Variants in TEX11 observed in about 807,000 individuals in gnomAD.
TEX11 encodes testis expressed 11.
In TEX11, 7 loss-of-function variants were observed where a neutral mutation model predicts 84.4. The observed-to-expected ratio is 0.08, with a 90% CI of 0.05 to 0.16. The LOEUF is 0.16. Among genes scored for constraint, TEX11 ranks in the 10% least tolerant of loss-of-function variants. TEX11 has a pLI of 1.00. For synonymous variants in TEX11, 264 were observed against 222.8 expected, an observed-to-expected ratio of 1.18 and a Z score of -1.64; for missense variants, 551 against 660.5, an observed-to-expected ratio of 0.83 and a Z score of 1.82.
At chrX:70,576,779 A>G (rs914297085) in intron 25 of TEX11, among the ~76,000 whole-genome samples, 1 of 112,731 alleles carries the variant, frequency 8.9e-6, no homozygotes, top group African/African-American at 3.2e-5. Context: ...ACATACACAC[A>G]TATGTTTTAA....
chrX:70,835,977 A>G (rs1426627911), intron 7 of TEX11, among the ~76,000 whole-genome samples: 1 of 109,902 alleles, frequency 9.1e-6, no homozygotes, highest in Admixed American at 9.8e-5. Context: ...CTAGCTAGGC[A>G]TGGTGGTGCG....
At chrX:70,679,057 G>A (rs1471426522) in intron 14 of TEX11, among the ~76,000 whole-genome samples, 168 bp from the exon 15 acceptor site, 1 of 112,546 alleles carries the variant, frequency 8.9e-6, no homozygotes, top group East Asian at 2.8e-4. Context: ...TCCTGCCTCA[G>A]CCTGCCGACT....
In TEX11 at chrX:70,670,507, T is replaced by C; in HGVS notation, c.1250A>G (p.Asn417Ser). Reference sequence around the variant, plus strand: ...GTACCATTGTAGGGCATCAGTGTAATTTTGTACCTAAAGTTTAAAAAGAAA... The same window carrying C: ...GTACCATTGTAGGGCATCAGTGTAACTTTGTACCTAAAGTTTAAAAAGAAA... ...RQAASSFEVQ[N>S]YTDALQWYYY... is the part of the protein sequence containing the mutation. Residue 417 changes from asparagine (N) to serine (S), a missense_variant, in exon 16 of 30, where the codon AAT becomes AGT. By Grantham distance (46) the Asn-to-Ser change is conservative (BLOSUM62 1). Transcript: ENST00000374333. 1 of 1,193,767 alleles carries C rather than the reference T, an allele frequency of 8.4e-7. No homozygotes were observed. The highest frequency in any genetic ancestry group is 1.1e-6 in the Non-Finnish European group (1 of 890,012).
At chrX:70,564,772 T>G (rs1243729329) in intron 25 of TEX11, among the ~76,000 whole-genome samples, 25 of 109,302 alleles carry the variant, frequency 2.3e-4, no homozygotes, top group African/African-American at 6.6e-4. Flanking sequence ...CCATGGTGTA[T>G]ATGTGCCACA....
intron 13 of TEX11, among the ~76,000 whole-genome samples, chrX:70,701,345 G>T (rs1489126550): frequency 9.0e-6 from 1 of 111,474 alleles, no homozygotes; most frequent in Non-Finnish European, 1.9e-5. Context: ...AAAATCCCAG[G>T]GCCCTTAAGA....
At chrX:70,618,646 T>C (rs73542437) in intron 20 of TEX11, among the ~76,000 whole-genome samples, 9,693 of 110,631 alleles carry the variant, frequency 0.088, 929 homozygotes, top group African/African-American at 0.28. Flanking sequence ...AGGGTATGAG[T>C]TTCGACAGGA....
At chrX:70,584,676 A>C (rs1275298321) in intron 25 of TEX11, among the ~76,000 whole-genome samples, 1 of 112,238 alleles carries the variant, frequency 8.9e-6, no homozygotes, top group Admixed American at 9.5e-5. Flanking sequence ...CAAATCTTAC[A>C]GCATATTAAA....
chrX:70,839,077 A>C (rs2091424653), intron 7 of TEX11, among the ~76,000 whole-genome samples: 1 of 112,598 alleles, frequency 8.9e-6, no homozygotes, highest in South Asian at 3.7e-4. Flanking sequence ...GGGCACAGAC[A>C]AACAAAAAGA....
intron 13 of TEX11, among the ~76,000 whole-genome samples, chrX:70,708,791 G>A (rs1327149302): frequency 5.4e-5 from 6 of 110,370 alleles, no homozygotes; most frequent in Non-Finnish European, 1.1e-4. Flanking sequence ...CAACGGACTA[G>A]TAGAGGGGGG....
At position 70,894,163 on chromosome X, in the gene TEX11, A is replaced by G. The variant is rs138399063; in HGVS notation, c.37+13590T>C. On this transcript the variant is annotated intron_variant, in intron 2 of 29. Coordinates refer to ENST00000374333, the MANE Select transcript of TEX11 (RefSeq NM_031276.3). ...AGAGGTACAAAGAGGAGCTGGTACC[A>G]TTCCTTCCGAAACTATTCCAAACAA... Among the ~76,000 whole-genome samples the G allele has an allele frequency of 9.0e-5, 10 of 111,187 alleles. No individual in the cohort carries two copies. The East Asian group carries it at 2.8e-3, about 31-fold the overall frequency.
At chrX:70,585,639 C>T (rs1286989359) in intron 25 of TEX11, among the ~76,000 whole-genome samples, 1 of 112,204 alleles carries the variant, frequency 8.9e-6, no homozygotes, top group Non-Finnish European at 1.9e-5. Context: ...CAGTGTGGTA[C>T]TACCATACAG....
chrX:70,560,467 A>AT lies in TEX11; in HGVS notation c.2141-5668dup, dbSNP rs1184405677. On this transcript the variant is annotated intron_variant, in intron 25 of 29. Transcript: ENST00000374333. ...GCCCAGCCATTCAATTCTTTTGTCCATTTTTTTATTGGGTTATTTATCTTT... is the reference window on the plus strand; with the variant it reads ...GCCCAGCCATTCAATTCTTTTGTCCATTTTTTTTATTGGGTTATTTATCTTT... Among the ~76,000 whole-genome samples the AT allele has an allele frequency of 4.5e-5, 5 of 110,342 alleles. No homozygotes were observed. The East Asian group carries it at 1.2e-3, about 25-fold the overall frequency.
intron 13 of TEX11, among the ~76,000 whole-genome samples, chrX:70,705,791 T>G (rs1380961415): frequency 9.0e-6 from 1 of 111,407 alleles, no homozygotes; most frequent in Non-Finnish European, 1.9e-5. Context: ...ATGGCATCAT[T>G]AAAAAGTCAG....
chrX:70,653,565 C>T (rs1323111018), intron 16 of TEX11, among the ~76,000 whole-genome samples: 1 of 111,762 alleles, frequency 8.9e-6, no homozygotes, highest in Non-Finnish European at 1.9e-5. Flanking sequence ...GGATGTGGTG[C>T]AACAGGAACT....
chrX:70,810,823 A>G (rs904910750), intron 8 of TEX11, among the ~76,000 whole-genome samples: 1 of 111,329 alleles, frequency 9.0e-6, no homozygotes, highest in African/African-American at 3.3e-5. Context: ...ACTTTAAAAA[A>G]TAACAGTGAC....
At chrX:70,782,105 C>A (rs1231475365) in intron 9 of TEX11, among the ~76,000 whole-genome samples, 1 of 112,145 alleles carries the variant, frequency 8.9e-6, no homozygotes, top group East Asian at 2.8e-4. Flanking sequence ...GCCCATCAGA[C>A]TAACAGCTGA....
chrX:70,561,776 C>T (rs2088379118), intron 25 of TEX11, among the ~76,000 whole-genome samples: 1 of 111,733 alleles, frequency 8.9e-6, no homozygotes, highest in African/African-American at 3.3e-5. Context: ...ATAATACATA[C>T]TATATATACA....
At chrX:70,776,691 T>G (rs2091004229) in intron 9 of TEX11, among the ~76,000 whole-genome samples, 1 of 110,857 alleles carries the variant, frequency 9.0e-6, no homozygotes, top group Non-Finnish European at 1.9e-5. Flanking sequence ...CACTCAGAAG[T>G]GGGAGCTAAA....
At chrX:70,776,233 G>A (rs1235183191) in intron 9 of TEX11, among the ~76,000 whole-genome samples, 1 of 110,859 alleles carries the variant, frequency 9.0e-6, no homozygotes, top group African/African-American at 3.3e-5. Flanking sequence ...ACAGATGAAT[G>A]GATGAAGAAA....
Sources: allele counts gnomAD v4.1 joint callset (sites outside exome capture counted in the v4.1 genomes callset), GRCh38; gene constraint gnomAD v4.1.1; transcripts MANE v1.5; gene names NCBI Gene and HGNC (gene_info 2026-07-23, HGNC 2026-07-21).